STK3: variants seen among roughly 807,000 people sequenced by gnomAD.
STK3 encodes the protein serine/threonine kinase 3.
In STK3, 41 loss-of-function variants were observed where a neutral mutation model predicts 58.0. The observed-to-expected ratio is 0.71, with a 90% CI of 0.55 to 0.92. STK3 has a LOEUF of 0.92. Among genes scored for constraint, STK3 ranks in the 40% least tolerant of loss-of-function variants. STK3 has a pLI of 0.00. For synonymous variants in STK3, 170 were observed against 191.0 expected (o/e 0.89, Z 0.91); for missense variants, 479 against 602.7 (o/e 0.79, Z 2.15).
At chr8:98,874,323 G>A (rs1316111957) in intron 3 of STK3, among the ~76,000 whole-genome samples, 1 of 152,088 alleles carries the variant, frequency 6.6e-6, no homozygotes, top group Non-Finnish European at 1.5e-5. Context: ...TATGTGTCTT[G>A]GAGTTGCTCT....
chr8:98,755,105 C>G (rs1587524757), intron 3 of STK3, among the ~76,000 whole-genome samples: 2 of 152,276 alleles, frequency 1.3e-5, no homozygotes, highest in South Asian at 4.1e-4. Context: ...ATCTAACACC[C>G]ACGTAAGTAG....
chr8:98,549,147 A>G (rs995621022), intron 8 of STK3, among the ~76,000 whole-genome samples: 12 of 152,170 alleles, frequency 7.9e-5, no homozygotes, highest in Non-Finnish European at 1.8e-4. Context: ...GCTGGATCAC[A>G]TGGTAACTTC....
chr8:98,899,230 A>G (rs770097525), intron 1 of STK3, among the ~76,000 whole-genome samples: 1 of 152,232 alleles, frequency 6.6e-6, no homozygotes, highest in Non-Finnish European at 1.5e-5. Flanking sequence ...AAAGGAGCCT[A>G]GACTTGGCTT....
chr8:98,694,715 G>A (rs899776250), intron 6 of STK3, among the ~76,000 whole-genome samples: 16 of 152,172 alleles, frequency 1.1e-4, no homozygotes, highest in African/African-American at 3.6e-4. Context: ...ATTCCATGGT[G>A]TATATGTGCC....
At chr8:98,370,935 G>C (rs938659939), downstream of STK3, among the ~76,000 whole-genome samples, 2 of 152,154 alleles carry the variant, frequency 1.3e-5, no homozygotes, top group Non-Finnish European at 2.9e-5. Flanking sequence ...TAAAATGTAG[G>C]GGTATTATAT....
upstream of STK3, among the ~76,000 whole-genome samples, chr8:98,829,853 T>TA (rs1381341406): frequency 1.3e-5 from 2 of 151,988 alleles, no homozygotes; most frequent in Non-Finnish European, 2.9e-5. Flanking sequence ...CATAATAAGA[T>TA]AAAAAAGTAC....
At chr8:98,542,645 G>A (rs1007789634) in intron 9 of STK3, among the ~76,000 whole-genome samples, 4 of 152,152 alleles carry the variant, frequency 2.6e-5, no homozygotes, top group Non-Finnish European at 5.9e-5. Context: ...TGGGAAGCAG[G>A]GCTGACAATG....
At chr8:98,594,077 G>C (rs1815586224) in intron 7 of STK3, among the ~76,000 whole-genome samples, 1 of 152,208 alleles carries the variant, frequency 6.6e-6, no homozygotes, top group Admixed American at 6.5e-5. Context: ...GGAGGCCAAA[G>C]TGGGCAGATT....
chr8:98,621,083 C>A (rs559405590), intron 6 of STK3, among the ~76,000 whole-genome samples: 1 of 152,130 alleles, frequency 6.6e-6, no homozygotes, highest in African/African-American at 2.4e-5. Context: ...GCGCCCGCCA[C>A]TACGCCCAGC....
intron 4 of STK3, 64 bp from the exon 5 acceptor site, chr8:98,707,375 G>T: frequency 8.2e-7 from 1 of 1,226,264 alleles, no homozygotes; most frequent in Non-Finnish European, 1.1e-6. Context: ...TTACGAAAGA[G>T]CACTAGTAAC....
At chr8:98,665,190 C>T (rs1822244741) in intron 6 of STK3, among the ~76,000 whole-genome samples, 1 of 152,164 alleles carries the variant, frequency 6.6e-6, no homozygotes, top group African/African-American at 2.4e-5. Flanking sequence ...GGTATTACAT[C>T]TTTTTTACAG....
chr8:98,581,318 G>A (rs1300542236), intron 7 of STK3, among the ~76,000 whole-genome samples: 47 of 152,140 alleles, frequency 3.1e-4, no homozygotes, highest in Admixed American at 3.0e-3. Context: ...GACTGCCTCT[G>A]ACCCCACTCC....
intron 6 of STK3, among the ~76,000 whole-genome samples, chr8:98,601,220 C>T (rs1344724540): frequency 6.6e-6 from 1 of 152,022 alleles, no homozygotes; most frequent in Non-Finnish European, 1.5e-5. Context: ...AAAAATTATA[C>T]TCGCAATTGC....
intron 4 of STK3, among the ~76,000 whole-genome samples, chr8:98,713,620 T>C (rs1245128855): frequency 6.6e-6 from 1 of 152,122 alleles, no homozygotes; most frequent in Admixed American, 6.6e-5. Context: ...GGCTCTGAAA[T>C]TGAGGCAATA....
Position 98,816,467 on chromosome 8 carries a change from C to A in STK3, c.26+9048G>T, listed in dbSNP as rs960002536. Among the ~76,000 whole-genome samples, 10 of 149,840 alleles carry A rather than the reference C, an allele frequency of 6.7e-5. 1 individual carries two copies. Among genetic ancestry groups the A allele is most frequent in the African/African-American group, 2.2e-4 (9 of 41,088 alleles). ...GTCAGGCTGTAGTGAGCTGAGATTGCACTACTGCACTCCAGCCTCAGTGAC... is the reference window on the plus strand; with the variant it reads ...GTCAGGCTGTAGTGAGCTGAGATTGAACTACTGCACTCCAGCCTCAGTGAC... On this transcript the variant is annotated intron_variant, in intron 1 of 10. Coordinates refer to ENST00000419617, the MANE Select transcript of STK3 (RefSeq NM_006281.4).
intron 10 of STK3, among the ~76,000 whole-genome samples, chr8:98,458,148 C>G (rs1389016851): frequency 2.0e-5 from 3 of 151,828 alleles, no homozygotes; most frequent in African/African-American, 7.3e-5. Flanking sequence ...TGCACACACA[C>G]ATGTATTTAC....
chr8:98,907,513 A>AAAAC (rs1011385085), intron 1 of STK3, among the ~76,000 whole-genome samples: 4 of 152,202 alleles, frequency 2.6e-5, no homozygotes, highest in South Asian at 2.1e-4. Flanking sequence ...ACTCCATCTC[A>AAAAC]AAACAAACAA....
chr8:98,353,585 T>A, the STK3 span, among the ~76,000 whole-genome samples: 3 of 152,236 alleles, frequency 2.0e-5, no homozygotes, highest in Non-Finnish European at 2.9e-5. Context: ...ATTATGTATA[T>A]GCAAATATTT....
At chr8:98,709,898 T>A (rs1383298998) in intron 4 of STK3, among the ~76,000 whole-genome samples, 3 of 151,206 alleles carry the variant, frequency 2.0e-5, no homozygotes, top group Non-Finnish European at 4.4e-5. Context: ...GCTATTAGGT[T>A]GGTGCAAAAG....
Sources: allele counts gnomAD v4.1 joint callset (sites outside exome capture counted in the v4.1 genomes callset), GRCh38; gene constraint gnomAD v4.1.1; transcripts MANE v1.5; gene names NCBI Gene and HGNC (gene_info 2026-07-23, HGNC 2026-07-21).